TMEM170A: variants seen among roughly 807,000 people sequenced by gnomAD.
TMEM170A encodes transmembrane protein 170.
A neutral mutation model predicts 12.8 loss-of-function variants in TMEM170A; 18 were observed. The ratio of observed to expected loss-of-function variants is 1.41; its 90% CI spans 0.97 to 2.09. The LOEUF is 2.09. Ranked by LOEUF, TMEM170A falls within the 30% of genes most tolerant of loss-of-function variation. The pLI is 0.00. For missense variants in TMEM170A, 220 were observed against 179.9 expected, an observed-to-expected ratio of 1.22 and a Z score of -1.28; for synonymous variants, 107 against 76.2, an observed-to-expected ratio of 1.40 and a Z score of -2.11.
At chr16:75,463,180 C>A (rs991754349) in intron 1 of TMEM170A, among the ~76,000 whole-genome samples, 3 of 152,148 alleles carry the variant, frequency 2.0e-5, no homozygotes, top group African/African-American at 7.2e-5. Context: ...GCAGGCTTGA[C>A]ATTTTTCAGG....
chr16:75,451,530 A>T, intron 2 of TMEM170A, 139 bp downstream of exon 2: 2 of 854,212 alleles, frequency 2.3e-6, no homozygotes, highest in East Asian at 5.3e-5. Context: ...GGCCTTGGTG[A>T]CATAGGGAGA....
intron 1 of TMEM170A, among the ~76,000 whole-genome samples, chr16:75,463,403 C>T (rs1458382520): frequency 6.6e-6 from 1 of 152,142 alleles, no homozygotes; most frequent in African/African-American, 2.4e-5. Context: ...TGACCCCAAC[C>T]TGCCTGATGA....
chr16:75,448,719 G>T (rs1436711370), intron 2 of TMEM170A, among the ~76,000 whole-genome samples: 1 of 151,534 alleles, frequency 6.6e-6, no homozygotes, highest in South Asian at 2.1e-4. Context: ...AGCTCACATC[G>T]CGACACTGCA....
In TMEM170A at chr16:75,464,602, C is replaced by G. The variant is rs1293607440; in HGVS notation, c.-2G>C. 1.9e-6 allele frequency: 3 copies of G among 1,583,240 alleles called. No homozygotes were observed. Among genetic ancestry groups the G allele is most frequent in the Admixed American group, 1.8e-5 (1 of 55,958 alleles). On this transcript the variant is annotated 5_prime_UTR_variant, in exon 1 of 3. Transcript: ENST00000561878. ...GCCGCCGCTCCCCTCGCGCTCCATC[C>G]CGTCGCCATTCACCACAGAGAAATG...
Position 75,447,055 on chromosome 16 carries a change from A to C in TMEM170A, c.*503T>G, listed in dbSNP as rs933556373. ...GCTTTATTTCACCAAATTTGTTTTC[A>C]AAACTATACTCAACCAAAACCTATT... On this transcript the variant is annotated 3_prime_UTR_variant, in exon 3 of 3. Transcript: ENST00000561878. 5 of 152,208 alleles carry C rather than the reference A, an allele frequency of 3.3e-5. No homozygotes were observed. Among genetic ancestry groups the C allele is most frequent in the Non-Finnish European group, 5.9e-5 (4 of 68,048 alleles). 9.4% of individuals were successfully genotyped at this position (152,208 alleles called of 1,614,324 possible). A position where few individuals can be genotyped will look rare whatever the true frequency, so the allele number is the denominator to read the frequency against.
At chr16:75,459,306 G>C (rs191423039) in intron 1 of TMEM170A, among the ~76,000 whole-genome samples, 136 of 152,288 alleles carry the variant, frequency 8.9e-4, no homozygotes, top group African/African-American at 3.1e-3. Context: ...GTCTATAATG[G>C]CTGGCTCCCT....
chr16:75,458,769 C>A (rs1310324248), intron 1 of TMEM170A: 2 of 152,230 alleles, frequency 1.3e-5, no homozygotes, highest in African/African-American at 4.8e-5. Flanking sequence ...AAGTTAATCA[C>A]TGATCAATCA....
At chr16:75,449,144 AT>A (rs2079636004) in intron 2 of TMEM170A, among the ~76,000 whole-genome samples, 1 of 152,118 alleles carries the variant, frequency 6.6e-6, no homozygotes, top group South Asian at 2.1e-4. Flanking sequence ...TCCCCACAAA[AT>A]GCTCCAACAA....
Position 75,447,655 on chromosome 16 carries a change from C to CCTG in TMEM170A, c.335_337dup (p.Ala112dup). The CCTG allele has an allele frequency of 1.2e-6, 2 of 1,608,422 alleles. No homozygotes were observed. The highest frequency in any genetic ancestry group is 1.7e-6 in the Non-Finnish European group (2 of 1,177,642). On this transcript the variant is annotated inframe_insertion, in exon 3 of 3. Transcript: ENST00000561878. ...GGCTTCAAATGGTATCATTTCCTTC[C>CCTG]CTGCTGCTCGGTAAACTCCAGCAAT...
At chr16:75,457,904 TTATAGA>T (rs2079828635) in intron 1 of TMEM170A, among the ~76,000 whole-genome samples, 1 of 152,218 alleles carries the variant, frequency 6.6e-6, no homozygotes, top group Non-Finnish European at 1.5e-5. Flanking sequence ...AAAAGGTTTA[TTATAGA>T]TGAGTAGAGG....
chr16:75,456,737 C>A (rs2079805231), intron 1 of TMEM170A, among the ~76,000 whole-genome samples: 1 of 152,204 alleles, frequency 6.6e-6, no homozygotes, highest in Admixed American at 6.5e-5. Context: ...TCCTCCCTAA[C>A]AAATGTGCAC....
chr16:75,464,101 G>C (rs1555574363), intron 1 of TMEM170A: 10 of 1,050,900 alleles, frequency 9.5e-6, no homozygotes, highest in Middle Eastern at 3.0e-4. Context: ...GGCGCCGTGG[G>C]GCAACCCAGG....
At chr16:75,448,658 G>C (rs866522434) in intron 2 of TMEM170A, among the ~76,000 whole-genome samples, 116 of 152,096 alleles carry the variant, frequency 7.6e-4, no homozygotes, top group African/African-American at 2.7e-3. Flanking sequence ...CTACTACTCG[G>C]GAGGCTGAGG....
chr16:75,456,481 G>C (rs998102715), intron 1 of TMEM170A, among the ~76,000 whole-genome samples: 1 of 152,064 alleles, frequency 6.6e-6, no homozygotes, highest in African/African-American at 2.4e-5. Context: ...TGGCGACTCA[G>C]GAGTCTTCCT....
intron 1 of TMEM170A, among the ~76,000 whole-genome samples, chr16:75,463,948 G>A (rs759553952): frequency 1.3e-5 from 2 of 152,268 alleles, no homozygotes; most frequent in Non-Finnish European, 2.9e-5. Flanking sequence ...GGTCTCGGAG[G>A]GGGAGGATTT....
chr16:75,449,225 G>A (rs2079637432), intron 2 of TMEM170A, among the ~76,000 whole-genome samples: 1 of 152,018 alleles, frequency 6.6e-6, no homozygotes, highest in Non-Finnish European at 1.5e-5. Flanking sequence ...TGTTTTATAA[G>A]GTATGATCGC....
upstream of TMEM170A, chr16:75,464,717 A>C: frequency 5.1e-6 from 7 of 1,359,322 alleles, no homozygotes; most frequent in South Asian, 1.4e-5. Flanking sequence ...TCTTCCCCCA[A>C]TCCCAACGGC....
intron 1 of TMEM170A, among the ~76,000 whole-genome samples, chr16:75,462,225 C>A (rs373608836): frequency 3.0e-4 from 45 of 152,306 alleles, no homozygotes; most frequent in Middle Eastern, 6.8e-3. Flanking sequence ...CATTCAATGT[C>A]TCTTTTTTTG....
chr16:75,449,513 C>T (rs1393187883), intron 2 of TMEM170A, among the ~76,000 whole-genome samples: 2 of 152,060 alleles, frequency 1.3e-5, no homozygotes, highest in African/African-American at 4.8e-5. Context: ...GAGACAGGGT[C>T]TCACTATGTT....
Sources: gnomAD v4.1 joint callset for allele counts (sites outside exome capture counted in the v4.1 genomes callset) on GRCh38, gnomAD v4.1.1 for gene constraint, MANE v1.5 for transcripts, NCBI Gene and HGNC (gene_info 2026-07-23, HGNC 2026-07-21) for gene names.